Variants in SEMA5B observed in about 807,000 individuals in gnomAD.
SEMA5B encodes the protein semaphorin 5B.
In SEMA5B, 66 loss-of-function variants were observed where a neutral mutation model predicts 135.0. The observed-to-expected ratio is 0.49, with a 90% CI of 0.40 to 0.60. The LOEUF (loss-of-function observed/expected upper bound fraction) is 0.60. Among genes scored for constraint, SEMA5B ranks in the 20% least tolerant of loss-of-function variants. The pLI, the probability that SEMA5B is intolerant of heterozygous loss-of-function variation, is 0.00. For synonymous variants in SEMA5B, 690 were observed against 639.5 expected, an observed-to-expected ratio of 1.08 and a Z score of -1.19; for missense variants, 1,501 against 1,566.3, an observed-to-expected ratio of 0.96 and a Z score of 0.70.
In SEMA5B at chr3:122,948,633, G is replaced by T; in HGVS notation, c.201C>A (p.Val67=). 1 of 1,613,976 alleles carries T rather than the reference G, an allele frequency of 6.2e-7. No homozygotes were observed. The highest frequency in any genetic ancestry group is 1.1e-5 in the South Asian group (1 of 91,044). ...PIMVLAGPLA[V]SLLLPSLTLL... ...GTGTGAGGCTGGGCAGCAACAGCGA[G>T]ACAGCCAGGGGGCCTGCAAGCACCA... is the stretch of plus-strand genomic sequence containing the variant. Residue 67 remains valine (V), a synonymous_variant, in exon 3 of 23, where the codon GTC becomes GTA. Transcript: ENST00000357599.
intron 1 of SEMA5B, among the ~76,000 whole-genome samples, chr3:122,997,528 G>C (rs141005881): frequency 1.2e-4 from 18 of 145,768 alleles, no homozygotes; most frequent in East Asian, 6.0e-4. Flanking sequence ...TCCCCCCCCC[G>C]TCTCCACCAG....
intron 1 of SEMA5B, among the ~76,000 whole-genome samples, chr3:122,962,465 G>A (rs953573063): frequency 7.2e-5 from 11 of 152,206 alleles, no homozygotes; most frequent in African/African-American, 2.4e-4. Flanking sequence ...AAGGAGAACA[G>A]GGTCTGTCCC....
At chr3:122,967,259 T>G (rs1410628512) in intron 1 of SEMA5B, among the ~76,000 whole-genome samples, 1 of 152,204 alleles carries the variant, frequency 6.6e-6, no homozygotes, top group Non-Finnish European at 1.5e-5. Context: ...TATTCACTTT[T>G]GAATGTAATC....
In SEMA5B at chr3:122,912,082, G is replaced by C. The variant is rs757997072; in HGVS notation, c.2897-13C>G. ...GGCGACCAGCCTTCTGGGGATTGTG[G>C]GTAGGATGAGGTTAACTGCCCAGGG... On this transcript the variant is annotated splice_polypyrimidine_tract_variant and intron_variant, in intron 19 of 22. Transcript: ENST00000357599. 1 of 1,603,522 alleles carries C rather than the reference G, an allele frequency of 6.2e-7. No individual in the cohort carries two copies. The highest frequency in any genetic ancestry group is 1.1e-5 in the South Asian group (1 of 90,516).
chr3:122,988,737 G>A, intron 1 of SEMA5B, among the ~76,000 whole-genome samples: 1 of 152,176 alleles, frequency 6.6e-6, no homozygotes, highest in Non-Finnish European at 1.5e-5. Context: ...CTGGGAGAAT[G>A]GCCAGAAAAA....
intron 1 of SEMA5B, among the ~76,000 whole-genome samples, chr3:123,024,288 A>C (rs756887826): frequency 6.6e-6 from 1 of 152,204 alleles, no homozygotes; most frequent in African/African-American, 2.4e-5. Context: ...CTGTTCCTCT[A>C]TCCCCTTGAT....
intron 1 of SEMA5B, among the ~76,000 whole-genome samples, chr3:122,973,480 A>T (rs984027022): frequency 4.6e-5 from 7 of 152,214 alleles, no homozygotes; most frequent in Non-Finnish European, 1.0e-4. Flanking sequence ...TAGAGAGGAA[A>T]AAAGAAAATG....
intron 3 of SEMA5B, among the ~76,000 whole-genome samples, chr3:122,945,745 C>A (rs1939759857): frequency 6.6e-6 from 1 of 151,780 alleles, no homozygotes; most frequent in Non-Finnish European, 1.5e-5. Context: ...CTGGGGACTT[C>A]CCAGCTCAGT....
chr3:122,960,341 C>A (rs1419962369), intron 2 of SEMA5B, among the ~76,000 whole-genome samples: 2 of 152,082 alleles, frequency 1.3e-5, no homozygotes, highest in Admixed American at 1.3e-4. Flanking sequence ...GCCACTGAAC[C>A]GCATACTTGA....
chr3:122,993,560 T>C (rs1941940310), intron 1 of SEMA5B, among the ~76,000 whole-genome samples: 1 of 152,020 alleles, frequency 6.6e-6, no homozygotes, highest in South Asian at 2.1e-4. Flanking sequence ...AGACTGTATG[T>C]GTGCATGTGA....
At chr3:122,966,661 T>C (rs1196997559) in intron 1 of SEMA5B, among the ~76,000 whole-genome samples, 2 of 150,196 alleles carry the variant, frequency 1.3e-5, no homozygotes, top group Admixed American at 6.6e-5. Context: ...TTCACGCCAT[T>C]CTCCTGCCTC....
At chr3:122,923,568 G>T (rs2276779) in intron 10 of SEMA5B, 49 bp downstream of exon 10, 8 of 1,606,916 alleles carry the variant, frequency 5.0e-6, no homozygotes, top group Non-Finnish European at 6.8e-6. Context: ...CTGGTAATCT[G>T]GGGGTAAGGC....
At chr3:122,952,295 G>A (rs1940090477) in intron 2 of SEMA5B, among the ~76,000 whole-genome samples, 1 of 152,112 alleles carries the variant, frequency 6.6e-6, no homozygotes, top group Admixed American at 6.5e-5. Context: ...GTCCATCCTT[G>A]GAGCCCACCA....
chr3:122,915,605 C>G lies in SEMA5B; in HGVS notation c.1823G>C (p.Arg608Pro). The G allele has an allele frequency of 1.2e-6, 2 of 1,612,466 alleles. No homozygotes were observed. Among genetic ancestry groups the G allele is most frequent in the Middle Eastern group, 3.3e-4 (2 of 6,052 alleles). Residue 608 changes from arginine to proline, a missense_variant, in exon 14 of 23, where the codon CGG becomes CCG. Physicochemically the swap from Arg to Pro is moderately radical, Grantham distance 103 (BLOSUM62 -2). Around this residue, in one of 2 missense-constraint regions of SEMA5B, gnomAD observed 927 missense variants for 881.6 expected, o/e 1.05. Coordinates refer to ENST00000357599, the MANE Select transcript of SEMA5B (RefSeq NM_001031702.4). Reference protein sequence around the residue: ...ITACPVRNVTRDGGFGPWSPW... With the variant: ...ITACPVRNVTPDGGFGPWSPW... The stretch of plus-strand genomic sequence containing the variant: ...TGACCATGGGCCGAAGCCCCCATCC[C>G]GTGTCACATTCCGCACCTGAAGACA...
Position 122,966,556 on chromosome 3 carries a change from TATTA to T in SEMA5B, c.-38-5259_-38-5256del, listed in dbSNP as rs1427453690. 1.3e-3 allele frequency among the ~76,000 whole-genome samples: 200 copies of T among 149,472 alleles called. 2 individuals carry two copies. The highest frequency in any genetic ancestry group is 4.6e-3 in the African/African-American group (187 of 40,556). ...GAATGTTTATTATTATTATTATTAT[TATTA>T]TTATTATTTTTTGAGACGGAGTCTC... On this transcript the variant is annotated intron_variant, in intron 1 of 22. Transcript: ENST00000357599.
At chr3:122,964,975 C>A (rs1301543614) in intron 1 of SEMA5B, among the ~76,000 whole-genome samples, 2 of 152,182 alleles carry the variant, frequency 1.3e-5, no homozygotes, top group Non-Finnish European at 2.9e-5. Flanking sequence ...AGCCTCCTGG[C>A]TGAGTCAGGG....
chr3:122,991,030 T>C (rs1941859007), intron 1 of SEMA5B, among the ~76,000 whole-genome samples: 1 of 152,178 alleles, frequency 6.6e-6, no homozygotes, highest in African/African-American at 2.4e-5. Context: ...ATCCTGGCCT[T>C]GATGCCACTT....
intron 3 of SEMA5B, among the ~76,000 whole-genome samples, chr3:122,945,772 T>A (rs147032312): frequency 3.9e-3 from 584 of 149,346 alleles, no homozygotes; most frequent in Non-Finnish European, 6.3e-3. Context: ...TTAGGCCCTT[T>A]CTTGGGGAGG....
chr3:122,916,798 C>T (rs1045033416), intron 12 of SEMA5B, among the ~76,000 whole-genome samples: 2 of 152,102 alleles, frequency 1.3e-5, no homozygotes, highest in Non-Finnish European at 1.5e-5. Flanking sequence ...GAGTCTAGTG[C>T]TTTAGCATCT....
Sources: allele counts gnomAD v4.1 joint callset (sites outside exome capture counted in the v4.1 genomes callset), GRCh38; gene constraint gnomAD v4.1.1; regional missense constraint gnomAD v4.1.1; transcripts MANE v1.5; gene names NCBI Gene and HGNC (gene_info 2026-07-23, HGNC 2026-07-21).